The following ZMIZ2 variants were observed in gnomAD, a reference collection of about 807,000 sequenced individuals.
ZMIZ2 encodes zinc finger MIZ-type containing 2, also known as zinc finger MIZ domain-containing protein 2.
Under a neutral mutation model 93.9 loss-of-function variants are expected in ZMIZ2, and 26 were observed. The observed-to-expected ratio is 0.28, with a 90% CI of 0.20 to 0.38. The LOEUF (loss-of-function observed/expected upper bound fraction) is 0.38. Among genes scored for constraint, ZMIZ2 ranks in the 10% least tolerant of loss-of-function variants. ZMIZ2 has a pLI of 1.00. For synonymous variants in ZMIZ2, 485 were observed against 516.4 expected, an observed-to-expected ratio of 0.94 and a Z score of 0.82; for missense variants, 1,023 against 1,235.0, an observed-to-expected ratio of 0.83 and a Z score of 2.57.
rs762002718 is a variant in ZMIZ2 at position 44,763,366 on chromosome 7, C to T, written c.1813C>T (p.Arg605Cys). 3 of 1,614,000 alleles carry T rather than the reference C, an allele frequency of 1.9e-6. No homozygotes were observed. Among genetic ancestry groups the T allele is most frequent in the Non-Finnish European group, 1.7e-6 (2 of 1,180,026 alleles). Reference sequence around the variant, plus strand: ...GTCCCTGAAGTGCCCCATCACCTTCCGCAGGATCCAGCTCCCTGCCCGAGG... The same window carrying T: ...GTCCCTGAAGTGCCCCATCACCTTCTGCAGGATCCAGCTCCCTGCCCGAGG... ...KVSLKCPITFRRIQLPARGHD... is the reference protein window; with the variant it reads ...KVSLKCPITFCRIQLPARGHD... Residue 605 changes from arginine to cysteine, a missense_variant, in exon 13 of 19, where the codon CGC becomes TGC. By Grantham distance (180) the Arg-to-Cys change is radical. Coordinates refer to ENST00000309315, the MANE Select transcript of ZMIZ2 (RefSeq NM_031449.4). This position sits in a 1 kb window ranked among gnomAD's most constrained non-coding sequence, Gnocchi z 5.6.
At chr7:44,755,899 T>A (rs1285365641) in intron 1 of ZMIZ2, among the ~76,000 whole-genome samples, 1 of 152,086 alleles carries the variant, frequency 6.6e-6, no homozygotes, top group Admixed American at 6.6e-5. Context: ...GGGGAAAGTA[T>A]TTGGAATCGG....
Position 44,766,379 on chromosome 7 carries a change from A to G in ZMIZ2, c.2413-42A>G, listed in dbSNP as rs773500759. 6.2e-7 allele frequency: 1 copy of G among 1,611,476 alleles called. No individual in the cohort carries two copies. Among genetic ancestry groups the G allele is most frequent in the Non-Finnish European group, 8.5e-7 (1 of 1,178,174 alleles). On this transcript the variant is annotated intron_variant, in intron 17 of 18. Transcript: ENST00000309315. The surrounding 1 kb of genome is among the most constrained non-coding windows in gnomAD (Gnocchi z 4.4). ...CCAAGGGGCCCTGTCTCCCCAGGGG[A>G]GCCCCTGAGCTGTTTTAACAAATTC...
chr7:44,748,613 C>A (rs999860978), upstream of ZMIZ2: 1 of 152,428 alleles, frequency 6.6e-6, no homozygotes, highest in South Asian at 1.9e-4. Context: ...GTGGCTCTGC[C>A]GACGCCGCGT....
intron 7 of ZMIZ2, 53 bp from the exon 8 acceptor site, chr7:44,760,098 C>T: frequency 6.2e-7 from 1 of 1,604,400 alleles, no homozygotes. Context: ...GTCCAGGGGG[C>T]CCGGCAGGGG....
At chr7:44,757,213 C>T in intron 4 of ZMIZ2, 64 bp downstream of exon 4, 1 of 1,528,016 alleles carries the variant, frequency 6.5e-7, no homozygotes, top group Non-Finnish European at 8.7e-7. Context: ...CACCTCAGAA[C>T]TGTGGCGCTG....
Position 44,762,916 on chromosome 7 carries a change from A to T in ZMIZ2, c.1632A>T (p.Pro544=), listed in dbSNP as rs769535784. Residue 544 remains proline, a synonymous_variant, in exon 12 of 19, where the codon CCA becomes CCT. Transcript: ENST00000309315. ...HLFVLQLVHR[P]SVRSVLQGLL... is the part of the protein sequence containing the mutation. Reference sequence around the variant, plus strand: ...TCGTGCTGCAGCTAGTGCACCGCCCATCCGTCCGCTCGGTGCTGCAGGGCC... The same window carrying T: ...TCGTGCTGCAGCTAGTGCACCGCCCTTCCGTCCGCTCGGTGCTGCAGGGCC... 6.2e-7 allele frequency: 1 copy of T among 1,612,690 alleles called. No individual in the cohort carries two copies. Among genetic ancestry groups the T allele is most frequent in the South Asian group, 1.1e-5 (1 of 91,036 alleles).
At chr7:44,756,697 T>C in intron 3 of ZMIZ2, 158 bp downstream of exon 3, 1 of 820,136 alleles carries the variant, frequency 1.2e-6, no homozygotes, top group Non-Finnish European at 1.9e-6. Context: ...CTGAGTCCCC[T>C]AAGTCTTTGG....
chr7:44,757,994 G>C lies in ZMIZ2; in HGVS notation c.699G>C (p.Arg233=), dbSNP rs1207130418. The C allele has an allele frequency of 1.9e-6, 3 of 1,612,578 alleles. No homozygotes were observed. Among genetic ancestry groups the C allele is most frequent in the Non-Finnish European group, 2.5e-6 (3 of 1,179,420 alleles). ...CCCCCTTGGCTATGAACCCCACCCG[G>C]GCAGCAGGAATGACACCCTTGTATG... ...GLSPLAMNPT[R]AAGMTPLYAG... The change falls in exon 6 of 19, where the codon CGG becomes CGC. Residue 233 remains arginine, a synonymous_variant. Transcript: ENST00000309315.
rs368097482 is a variant in ZMIZ2 at position 44,760,168 on chromosome 7, C to T, written c.1011C>T (p.Asn337=). 41 of 1,613,780 alleles carry T rather than the reference C, an allele frequency of 2.5e-5. No homozygotes were observed. Among genetic ancestry groups the T allele is most frequent in the East Asian group, 6.7e-5 (3 of 44,892 alleles). ...TCCCGCAGCCCACAGAGCAGTTCAA[C>T]GGGCAGGGCGCCAGCTTCAACGGGG... ...GLHYKPTEQF[N]GQGASFNGGS... The change falls in exon 8 of 19, where the codon AAC becomes AAT. Residue 337 remains asparagine, a synonymous_variant. Transcript: ENST00000309315.
intron 11 of ZMIZ2, 92 bp from the exon 12 acceptor site, chr7:44,762,789 C>T: frequency 1.1e-6 from 1 of 907,774 alleles, no homozygotes. Context: ...CACCTGGCAG[C>T]CCCTGACACA....
At position 44,767,655 on chromosome 7, in the gene ZMIZ2, C is replaced by T. The variant is rs755354087; in HGVS notation, c.*32C>T. Reference sequence around the variant, plus strand: ...GTTTACCCCAAGCCCGGCGGGGACACGCTCACAGATGTCACCACAGCCCTG... The same window carrying T: ...GTTTACCCCAAGCCCGGCGGGGACATGCTCACAGATGTCACCACAGCCCTG... On this transcript the variant is annotated 3_prime_UTR_variant, in exon 19 of 19. Coordinates refer to ENST00000309315, the MANE Select transcript of ZMIZ2 (RefSeq NM_031449.4). The T allele has an allele frequency of 5.7e-6, 9 of 1,576,406 alleles. No individual in the cohort carries two copies. Among genetic ancestry groups the T allele is most frequent in the East Asian group, 4.5e-5 (2 of 44,704 alleles).
Position 44,763,671 on chromosome 7 carries a change from T to C in ZMIZ2, c.1860+258T>C, listed in dbSNP as rs1791421387. 1.9e-6 allele frequency: 1 copy of C among 522,534 alleles called. No homozygotes were observed. Among genetic ancestry groups the C allele is most frequent in the Non-Finnish European group, 3.4e-6 (1 of 295,260 alleles). The allele number at this position is 522,534 out of a possible 1,614,324, so 32.4% of individuals were successfully genotyped here. On this transcript the variant is annotated intron_variant, in intron 13 of 18. Transcript: ENST00000309315. This position sits in a 1 kb window ranked among gnomAD's most constrained non-coding sequence, Gnocchi z 5.6. The stretch of plus-strand genomic sequence containing the variant: ...TCATGGGTTCAAGTTTTGAAAGGCA[T>C]AAGATTGCAGGGTCCAGTCTTCCTG...
chr7:44,757,393 G>C lies in ZMIZ2; in HGVS notation c.384G>C (p.Pro128=), dbSNP rs200392431. 1.3e-5 allele frequency: 21 copies of C among 1,600,566 alleles called. No individual in the cohort carries two copies. The highest frequency in any genetic ancestry group is 2.2e-5 in the South Asian group (2 of 91,026). ...TCTCCTGCAGGTATGCAGGCGGCCC[G>C]GGGGGCCTGGGCCTCCCCTCACATG... ...PGFTTGYAGG[P]GGLGLPSHAA... is the part of the protein sequence containing the mutation. Residue 128 remains proline, a synonymous_variant, in exon 5 of 19, where the codon CCG becomes CCC. Transcript: ENST00000309315.
intron 2 of ZMIZ2, 45 bp from the exon 3 acceptor site, chr7:44,756,380 C>T (rs767604761): frequency 6.2e-7 from 1 of 1,613,762 alleles, no homozygotes; most frequent in South Asian, 1.1e-5. Context: ...CTCTTGGACA[C>T]CAGTGGCTTC....
intron 6 of ZMIZ2, among the ~76,000 whole-genome samples, chr7:44,758,590 A>G (rs758671243): frequency 2.1e-4 from 32 of 151,600 alleles, no homozygotes; most frequent in Non-Finnish European, 4.1e-4. Flanking sequence ...AGCCTGGCCA[A>G]TGTGGTGAAA....
intron 1 of ZMIZ2, among the ~76,000 whole-genome samples, chr7:44,751,386 T>C (rs1790130143): frequency 6.6e-6 from 1 of 152,252 alleles, no homozygotes; most frequent in South Asian, 2.1e-4. Flanking sequence ...CATCACCAGC[T>C]GCGAGCTGGT....
At position 44,768,474 on chromosome 7, in the gene ZMIZ2, G is replaced by A. The variant is rs918718157; in HGVS notation, c.*851G>A. On this transcript the variant is annotated 3_prime_UTR_variant, in exon 19 of 19. Coordinates refer to ENST00000309315, the MANE Select transcript of ZMIZ2 (RefSeq NM_031449.4). ...CTGTGTAAAGATTCTCTAGCGGGCTGCGCTCCCAAGTTCCCCTTCTCTGTG... is the reference window on the plus strand; with the variant it reads ...CTGTGTAAAGATTCTCTAGCGGGCTACGCTCCCAAGTTCCCCTTCTCTGTG... 6.6e-6 allele frequency: 1 copy of A among 152,328 alleles called. No homozygotes were observed. The highest frequency in any genetic ancestry group is 2.4e-5 in the African/African-American group (1 of 41,470). 9.4% of individuals were successfully genotyped at this position (152,328 alleles called of 1,614,324 possible).
In ZMIZ2 at chr7:44,768,574, G is replaced by A. The variant is rs1042226742; in HGVS notation, c.*951G>A. ...CCACCCCATGGGCCCACACCCAGGT[G>A]GGGGAGGAGGAAGCCACTGCATCTG... On this transcript the variant is annotated 3_prime_UTR_variant, in exon 19 of 19. Coordinates refer to ENST00000309315, the MANE Select transcript of ZMIZ2 (RefSeq NM_031449.4). The A allele has an allele frequency of 1.3e-5, 2 of 152,372 alleles. No individual in the cohort carries two copies. Among genetic ancestry groups the A allele is most frequent in the Non-Finnish European group, 2.9e-5 (2 of 68,130 alleles). The allele number at this position is 152,372 out of a possible 1,614,324, so 9.4% of individuals were successfully genotyped here.
At position 44,765,773 on chromosome 7, in the gene ZMIZ2, C is replaced by G; in HGVS notation, c.2242+194C>G. On this transcript the variant is annotated intron_variant, in intron 16 of 18. Coordinates refer to ENST00000309315, the MANE Select transcript of ZMIZ2 (RefSeq NM_031449.4). The surrounding 1 kb of genome is among the most constrained non-coding windows in gnomAD (Gnocchi z 4.1). ...AGGGACGTGGCGGTGAAGGCACAGT[C>G]TCAGCTATGGTCCCAGGAAACAGAC... The G allele has an allele frequency of 3.9e-6, 4 of 1,037,650 alleles. No homozygotes were observed. The allele number at this position is 1,037,650 out of a possible 1,614,324, so 64.3% of individuals were successfully genotyped here.
Sources: gnomAD v4.1 joint callset for allele counts (sites outside exome capture counted in the v4.1 genomes callset) on GRCh38, gnomAD v4.1.1 for gene constraint, Gnocchi (gnomAD v3.1) non-coding constraint, MANE v1.5 for transcripts, NCBI Gene and HGNC (gene_info 2026-07-23, HGNC 2026-07-21) for gene names.